ST3GAL1: variants seen among roughly 807,000 people sequenced by gnomAD.
ST3GAL1 encodes the protein ST3 beta-galactoside alpha-2,3-sialyltransferase 1.
A neutral mutation model predicts 34.1 loss-of-function variants in ST3GAL1; 16 were observed. That is an observed-to-expected ratio of 0.47 (90% CI 0.32 to 0.71). The LOEUF is 0.71. Among genes scored for constraint, ST3GAL1 ranks in the 30% least tolerant of loss-of-function variants. ST3GAL1 has a pLI of 0.04. For synonymous variants in ST3GAL1, 191 were observed against 184.7 expected (o/e 1.03, Z -0.28); for missense variants, 353 against 447.4 (o/e 0.79, Z 1.90).
At position 133,571,667 on chromosome 8, in the gene ST3GAL1, G is replaced by C. The variant is rs1478924751; in HGVS notation, c.-582+26C>G. ...ACGCAGCCCCCGCGCACCCCGAGCA[G>C]GGTTCGCCTCCGCGCGCGCACTCAC... On this transcript the variant is annotated intron_variant, in intron 1 of 9. Transcript: ENST00000522652. The surrounding 1 kb of genome is among the most constrained non-coding windows in gnomAD (Gnocchi z 6.7). The C allele has an allele frequency of 6.5e-6, 1 of 153,074 alleles. No individual in the cohort carries two copies. The highest frequency in any genetic ancestry group is 1.5e-5 in the Non-Finnish European group (1 of 68,784). 9.5% of individuals were successfully genotyped at this position (153,074 alleles called of 1,614,324 possible).
chr8:133,482,449 C>G (rs939446872), intron 3 of ST3GAL1, among the ~76,000 whole-genome samples: 2 of 152,320 alleles, frequency 1.3e-5, no homozygotes, highest in East Asian at 3.9e-4. Context: ...CTCACACCAG[C>G]CAAGTGCACA....
At chr8:133,511,827 G>A (rs1817506762) in intron 2 of ST3GAL1, among the ~76,000 whole-genome samples, 2 of 152,172 alleles carry the variant, frequency 1.3e-5, no homozygotes, top group Non-Finnish European at 2.9e-5. Flanking sequence ...GCCGAGGCGG[G>A]CAGATCATGA....
At position 133,455,620 on chromosome 8, in the gene ST3GAL1, T is replaced by C. The variant is rs1815267554; in HGVS notation, c.*4144A>G. 1 of 152,286 alleles carries C rather than the reference T, an allele frequency of 6.6e-6. No homozygotes were observed. The highest frequency in any genetic ancestry group is 1.5e-5 in the Non-Finnish European group (1 of 68,116). 9.4% of individuals were successfully genotyped at this position (152,286 alleles called of 1,614,324 possible). ...GTAGCCACATTTGCTGCAAACCAGA[T>C]GTCTGCGATGGATATAATGATACCC... On this transcript the variant is annotated 3_prime_UTR_variant, in exon 10 of 10. Coordinates refer to ENST00000522652, the MANE Select transcript of ST3GAL1 (RefSeq NM_173344.3).
Position 133,546,669 on chromosome 8 carries a change from T to C in ST3GAL1, c.-581-743A>G, listed in dbSNP as rs184491280. Among the ~76,000 whole-genome samples, 13 of 152,208 alleles carry C rather than the reference T, an allele frequency of 8.5e-5. No individual in the cohort carries two copies. In the East Asian group the frequency reaches 2.5e-3, roughly 29 times the overall value. ...TGAAAGTGTGACATCGGGGTTAGGA[T>C]AAATCAGGCTGAGGCCAGATAGGAA... is the stretch of plus-strand genomic sequence containing the variant. On this transcript the variant is annotated intron_variant, in intron 1 of 9. Coordinates refer to ENST00000522652, the MANE Select transcript of ST3GAL1 (RefSeq NM_173344.3).
At chr8:133,483,423 C>A (rs73359243) in intron 3 of ST3GAL1, among the ~76,000 whole-genome samples, 1 of 152,134 alleles carries the variant, frequency 6.6e-6, no homozygotes, top group South Asian at 2.1e-4. Context: ...CAGCTCAGTT[C>A]CCGCCACAGA....
chr8:133,518,325 A>G (rs721590), intron 2 of ST3GAL1, among the ~76,000 whole-genome samples: 40,379 of 152,032 alleles, frequency 0.27, 5,426 homozygotes, highest in Middle Eastern at 0.37. Context: ...AAAATGCACC[A>G]ATCAGCCACC....
rs1563744662 is a variant in ST3GAL1 at position 133,562,835 on chromosome 8, TTCCTTC to T, written c.-582+8852_-582+8857del. Among the ~76,000 whole-genome samples, 159 of 103,764 alleles carry T rather than the reference TTCCTTC, an allele frequency of 1.5e-3. 1 individual carries two copies. Among genetic ancestry groups the T allele is most frequent in the African/African-American group, 4.2e-3 (85 of 20,308 alleles). 68.1% of individuals were successfully genotyped at this position (103,764 alleles called of 152,430 possible). On this transcript the variant is annotated intron_variant, in intron 1 of 9. Coordinates refer to ENST00000522652, the MANE Select transcript of ST3GAL1 (RefSeq NM_173344.3). ...CTTCCTTCCTTCCTTCCTTCCTTCC[TTCCTTC>T]CTTTCTTTCTTTTTTTTTTTTTTTT...
In ST3GAL1 at chr8:133,466,622, C is replaced by A. The variant is rs6990329; in HGVS notation, c.307-532G>T. 0.23 allele frequency among the ~76,000 whole-genome samples: 35,501 copies of A among 152,136 alleles called. 4,596 individuals carry two copies. Among genetic ancestry groups the A allele is most frequent in the East Asian group, 0.57 (2,927 of 5,166 alleles). On this transcript the variant is annotated intron_variant, in intron 5 of 9. Transcript: ENST00000522652. This position sits in a 1 kb window ranked among gnomAD's most constrained non-coding sequence, Gnocchi z 4.4. The stretch of plus-strand genomic sequence containing the variant: ...GAAGAGCGAGGAGTAGGTGGAAATG[C>A]CAGTTCTCCAGCCCCGGCCAGGGAT...
At chr8:133,517,188 C>A (rs1405393187) in intron 2 of ST3GAL1, among the ~76,000 whole-genome samples, 1 of 152,150 alleles carries the variant, frequency 6.6e-6, no homozygotes, top group East Asian at 1.9e-4. Flanking sequence ...CCAGCAAGCC[C>A]CAGTCCTTCT....
At position 133,466,600 on chromosome 8, in the gene ST3GAL1, G is replaced by T. The variant is rs1254793081; in HGVS notation, c.307-510C>A. Among the ~76,000 whole-genome samples the T allele has an allele frequency of 1.3e-5, 2 of 152,240 alleles. No homozygotes were observed. The highest frequency in any genetic ancestry group is 2.9e-5 in the Non-Finnish European group (2 of 68,042). On this transcript the variant is annotated intron_variant, in intron 5 of 9. Coordinates refer to ENST00000522652, the MANE Select transcript of ST3GAL1 (RefSeq NM_173344.3). This position sits in a 1 kb window ranked among gnomAD's most constrained non-coding sequence, Gnocchi z 4.4. The stretch of plus-strand genomic sequence containing the variant: ...GCTCCCGCTCAAGCCTTAACAAGAA[G>T]AGCGAGGAGTAGGTGGAAATGCCAG...
At chr8:133,521,650 C>A (rs1349646898) in intron 2 of ST3GAL1, among the ~76,000 whole-genome samples, 1 of 152,140 alleles carries the variant, frequency 6.6e-6, no homozygotes, top group Non-Finnish European at 1.5e-5. Context: ...GCATGCTCCA[C>A]ATTAAGGAAA....
In ST3GAL1 at chr8:133,466,969, C is replaced by T. The variant is rs545717463; in HGVS notation, c.307-879G>A. ...AAAAAGCCGGGCATGGTGGTGCCCACCTGTAGTCCCAGCTACTTGGGAGGC... is the reference window on the plus strand; with the variant it reads ...AAAAAGCCGGGCATGGTGGTGCCCATCTGTAGTCCCAGCTACTTGGGAGGC... On this transcript the variant is annotated intron_variant, in intron 5 of 9. Coordinates refer to ENST00000522652, the MANE Select transcript of ST3GAL1 (RefSeq NM_173344.3). The surrounding 1 kb of genome is among the most constrained non-coding windows in gnomAD (Gnocchi z 4.4). 1.1e-3 allele frequency among the ~76,000 whole-genome samples: 162 copies of T among 152,164 alleles called. 4 individuals carry two copies. The South Asian group carries it at 0.024, about 22-fold the overall frequency.
chr8:133,464,870 C>T lies in ST3GAL1; in HGVS notation c.591G>A (p.Glu197=). 6.2e-7 allele frequency: 1 copy of T among 1,614,140 alleles called. No homozygotes were observed. The highest frequency in any genetic ancestry group is 2.2e-5 in the East Asian group (1 of 44,874). The change falls in exon 7 of 10, where the codon GAG becomes GAA. Residue 197 remains glutamate, a synonymous_variant. Coordinates refer to ENST00000522652, the MANE Select transcript of ST3GAL1 (RefSeq NM_173344.3). ...HHLVYPESFR[E]LGDNVSMILV... is the part of the protein sequence containing the mutation. ...GGATCATGCTGACATTATCTCCCAG[C>T]TCCCGGAAGCTCTCAGGGTACACCA...
In ST3GAL1 at chr8:133,556,729, A is replaced by G. The variant is rs1819039697; in HGVS notation, c.-581-10803T>C. Among the ~76,000 whole-genome samples, 1 of 152,216 alleles carries G rather than the reference A, an allele frequency of 6.6e-6. No individual in the cohort carries two copies. The highest frequency in any genetic ancestry group is 2.4e-5 in the African/African-American group (1 of 41,456). ...CCTTGCACCCAAGGACACGGCTGAC[A>G]TCATATAAAGTCTGTCCCTGGCAAA... On this transcript the variant is annotated intron_variant, in intron 1 of 9. Transcript: ENST00000522652. The surrounding 1 kb of genome is among the most constrained non-coding windows in gnomAD (Gnocchi z 8.9).
At chr8:133,552,765 G>C (rs1423773090) in intron 1 of ST3GAL1, among the ~76,000 whole-genome samples, 2 of 152,208 alleles carry the variant, frequency 1.3e-5, no homozygotes, top group African/African-American at 4.8e-5. Context: ...TTCTGAATTT[G>C]AAGGCTAACC....
intron 2 of ST3GAL1, among the ~76,000 whole-genome samples, chr8:133,502,149 G>A (rs181184668): frequency 6.6e-6 from 1 of 152,102 alleles, no homozygotes; most frequent in African/African-American, 2.4e-5. Context: ...ATGATAATGT[G>A]AGGCCTGCTA....
intron 1 of ST3GAL1, among the ~76,000 whole-genome samples, chr8:133,557,002 A>G (rs1014792388): frequency 6.6e-6 from 1 of 152,142 alleles, no homozygotes; most frequent in African/African-American, 2.4e-5. Context: ...GGGGTATGTG[A>G]CAACCCCCCA....
chr8:133,504,011 G>A (rs182452994), intron 2 of ST3GAL1, among the ~76,000 whole-genome samples: 1 of 152,326 alleles, frequency 6.6e-6, no homozygotes, highest in East Asian at 1.9e-4. Context: ...TGCTCAGGGA[G>A]GTGGCAGAAA....
At chr8:133,525,039 C>T (rs550700688) in intron 2 of ST3GAL1, among the ~76,000 whole-genome samples, 6 of 152,220 alleles carry the variant, frequency 3.9e-5, no homozygotes, top group Non-Finnish European at 8.8e-5. Context: ...TGTGTTACAG[C>T]TCTTTCAGTC....
Sources: gnomAD v4.1 joint callset for allele counts (sites outside exome capture counted in the v4.1 genomes callset) on GRCh38, gnomAD v4.1.1 for gene constraint, Gnocchi (gnomAD v3.1) non-coding constraint, MANE v1.5 for transcripts, NCBI Gene and HGNC (gene_info 2026-07-23, HGNC 2026-07-21) for gene names.